Variants in RAD52 observed in about 807,000 individuals in gnomAD.
The protein encoded by RAD52 is DNA repair protein RAD52 homolog.
RAD52 carries 47 observed loss-of-function variants against 55.5 expected under a neutral mutation model. That is an observed-to-expected ratio of 0.85 (90% CI 0.67 to 1.08). The LOEUF is 1.08. Ranked by LOEUF, RAD52 falls within the 50% of genes least tolerant of loss-of-function variation. The pLI is 0.00. For synonymous variants in RAD52, 184 were observed against 198.9 expected (o/e 0.92, Z 0.63); for missense variants, 468 against 522.8 (o/e 0.90, Z 1.02).
chr12:950,563 CT>C (rs1238687302), upstream of RAD52, among the ~76,000 whole-genome samples: 10 of 109,846 alleles, frequency 9.1e-5, no homozygotes, highest in African/African-American at 3.4e-4. Context: ...CAGAGCGAGG[CT>C]CCGTCTCAAA....
At chr12:931,436 T>A in intron 2 of RAD52, 115 bp from the exon 3 acceptor site, 1 of 718,738 alleles carries the variant, frequency 1.4e-6, no homozygotes, top group South Asian at 2.2e-5. Flanking sequence ...AACCTTTGTT[T>A]ATGTGGGTTC....
chr12:916,472 G>A lies in RAD52; in HGVS notation c.737C>T (p.Ser246Leu). ...CGTGGCCTCGCTCTCCACGGCGGATGAGCTCAGGCTTCTGCATGAGAGGGC... is the reference window on the plus strand; with the variant it reads ...CGTGGCCTCGCTCTCCACGGCGGATAAGCTCAGGCTTCTGCATGAGAGGGC... ...DQDCSSRSLS[S>L]SAVESEATHQ... Residue 246 changes from serine (S) to leucine (L), a missense_variant, in exon 9 of 12, where the codon TCA becomes TTA. Coordinates refer to ENST00000358495, the MANE Select transcript of RAD52 (RefSeq NM_134424.4). 6.2e-7 allele frequency: 1 copy of A among 1,607,778 alleles called. No homozygotes were observed. Among genetic ancestry groups the A allele is most frequent in the Middle Eastern group, 1.7e-4 (1 of 6,014 alleles).
chr12:973,069 ACTTTT>A (rs1244312390), intron 1 of RAD52, among the ~76,000 whole-genome samples: 4 of 151,972 alleles, frequency 2.6e-5, no homozygotes, highest in African/African-American at 4.8e-5. Flanking sequence ...CAGTTAGGAA[ACTTTT>A]CTTTTCTTTT....
chr12:953,187 C>G (rs1958559363), upstream of RAD52, among the ~76,000 whole-genome samples: 1 of 151,158 alleles, frequency 6.6e-6, no homozygotes, highest in African/African-American at 2.4e-5. Flanking sequence ...TACCTTTAAT[C>G]TCAGCTACTC....
chr12:956,859 T>G (rs886844127), intron 1 of RAD52, among the ~76,000 whole-genome samples: 3 of 152,188 alleles, frequency 2.0e-5, no homozygotes, highest in African/African-American at 7.2e-5. Context: ...ATTTCCATAT[T>G]CTTAAAGTGA....
chr12:973,667 A>G (rs1958898481), intron 1 of RAD52, among the ~76,000 whole-genome samples: 2 of 151,562 alleles, frequency 1.3e-5, no homozygotes, highest in Admixed American at 6.6e-5. Flanking sequence ...TTGTAGAGAC[A>G]GGGGTCTCAC....
chr12:914,409 A>G (rs1303667120), intron 10 of RAD52, 22 bp downstream of exon 10: 5 of 1,613,420 alleles, frequency 3.1e-6, no homozygotes, highest in Non-Finnish European at 3.4e-6. Flanking sequence ...ACAGTAGCTT[A>G]CAAGCATTTC....
chr12:970,859 T>C (rs1049727077), intron 1 of RAD52, among the ~76,000 whole-genome samples: 8 of 152,110 alleles, frequency 5.3e-5, no homozygotes, highest in Non-Finnish European at 1.2e-4. Context: ...CAAAGCCAGG[T>C]ACATCCCTTG....
rs377398117 is a variant in RAD52 at position 933,068 on chromosome 12, G to C, written c.-10C>G. 1.9e-6 allele frequency: 3 copies of C among 1,608,826 alleles called. No homozygotes were observed. The African/African-American group carries it at 4.0e-5, about 22-fold the overall frequency. On this transcript the variant is annotated 5_prime_UTR_variant, in exon 2 of 12. Coordinates refer to ENST00000358495, the MANE Select transcript of RAD52 (RefSeq NM_134424.4). ...CCTCAGTCCCAGACATCTTGATTCTGGTTGACCTCTATATAAATAAAAAGC... is the reference window on the plus strand; with the variant it reads ...CCTCAGTCCCAGACATCTTGATTCTCGTTGACCTCTATATAAATAAAAAGC...
upstream of RAD52, among the ~76,000 whole-genome samples, chr12:954,630 T>A (rs539642594): frequency 6.6e-6 from 1 of 152,204 alleles, no homozygotes; most frequent in East Asian, 1.9e-4. Context: ...CAAGACTTCA[T>A]CCCCCACCCC....
At chr12:927,966 G>A (rs1957130291) in intron 5 of RAD52, among the ~76,000 whole-genome samples, 1 of 152,110 alleles carries the variant, frequency 6.6e-6, no homozygotes, top group African/African-American at 2.4e-5. Flanking sequence ...TAAATCAGGT[G>A]GCGTCCAGCT....
intron 7 of RAD52, among the ~76,000 whole-genome samples, chr12:918,294 T>C (rs566060107): frequency 7.2e-5 from 11 of 152,362 alleles, no homozygotes; most frequent in African/African-American, 2.6e-4. Flanking sequence ...GTACCATGAA[T>C]GAATCTCACA....
intron 1 of RAD52, among the ~76,000 whole-genome samples, chr12:961,381 G>A (rs1033410223): frequency 6.7e-6 from 1 of 149,882 alleles, no homozygotes; most frequent in African/African-American, 2.5e-5. Flanking sequence ...GTTATGGGCT[G>A]AATTATGTTC....
At chr12:968,263 A>G (rs141029281) in intron 1 of RAD52, among the ~76,000 whole-genome samples, 106 of 152,234 alleles carry the variant, frequency 7.0e-4, no homozygotes, top group African/African-American at 2.1e-3. Flanking sequence ...TAGTAAAAAC[A>G]AAGAGGTTTG....
intron 5 of RAD52, among the ~76,000 whole-genome samples, chr12:928,373 C>T (rs937922655): frequency 4.6e-5 from 7 of 151,914 alleles, no homozygotes; most frequent in East Asian, 1.9e-4. Context: ...AAAAATTAGG[C>T]GGGCGGGGTG....
chr12:965,545 G>A (rs1282084309), intron 1 of RAD52, among the ~76,000 whole-genome samples: 1 of 151,944 alleles, frequency 6.6e-6, no homozygotes, highest in Non-Finnish European at 1.5e-5. Context: ...CTCCTCCCTA[G>A]TGAACAGAAT....
chr12:944,453 C>T (rs1487565959), intron 1 of RAD52, among the ~76,000 whole-genome samples: 1 of 149,016 alleles, frequency 6.7e-6, no homozygotes, highest in Non-Finnish European at 1.5e-5. Context: ...AGGAAGGGGT[C>T]AAGGCTGCAG....
intron 7 of RAD52, among the ~76,000 whole-genome samples, chr12:924,663 C>A (rs529772939): frequency 6.6e-6 from 1 of 152,260 alleles, no homozygotes; most frequent in East Asian, 1.9e-4. Context: ...GGCTGCCCCA[C>A]CACAGACCCC....
chr12:983,109 CG>C (rs1180217371), intron 1 of RAD52, among the ~76,000 whole-genome samples: 1 of 152,040 alleles, frequency 6.6e-6, no homozygotes, highest in African/African-American at 2.4e-5. Flanking sequence ...CTCAGCCTCC[CG>C]AAGTGCTGAG....
Sources: gnomAD v4.1 joint callset for allele counts (sites outside exome capture counted in the v4.1 genomes callset) on GRCh38, gnomAD v4.1.1 for gene constraint, MANE v1.5 for transcripts, NCBI Gene and HGNC (gene_info 2026-07-23, HGNC 2026-07-21) for gene names.